AXIN2: variants seen among roughly 807,000 people sequenced by gnomAD.
AXIN2 encodes the protein axin-2.
Under a neutral mutation model 74.7 loss-of-function variants are expected in AXIN2, and 21 were observed. That is an observed-to-expected ratio of 0.28 (90% CI 0.20 to 0.40). The LOEUF (loss-of-function observed/expected upper bound fraction) is 0.40, where lower values mean the gene tolerates loss of function less well. Among genes scored for constraint, AXIN2 ranks in the 10% least tolerant of loss-of-function variants. The pLI is 1.00. For missense variants in AXIN2, 1,144 were observed against 1,111.1 expected, an observed-to-expected ratio of 1.03 and a Z score of -0.42; for synonymous variants, 532 against 454.9, an observed-to-expected ratio of 1.17 and a Z score of -2.16.
In AXIN2 at chr17:65,536,410, G is replaced by A. The variant is rs138287857; in HGVS notation, c.2051C>T (p.Ala684Val). 1.7e-3 allele frequency: 2,753 copies of A among 1,613,800 alleles called. 6 individuals carry two copies. The highest frequency in any genetic ancestry group is 1.9e-3 in the Non-Finnish European group (2,247 of 1,179,994). The change falls in exon 8 of 11, where the codon GCG (alanine) becomes GTG (valine). Residue 684 changes from alanine (A) to valine (V), a missense_variant. By Grantham distance (64) the Ala-to-Val change is moderately conservative. Around this residue, in one of 4 missense-constraint regions of AXIN2, gnomAD observed 1,053 missense variants for 973.5 expected, o/e 1.08. Transcript: ENST00000307078. ...GTTGGGTGGGGTCAGGGGAGGCATC[G>A]CAGGGTCCTGGGTGAACAGGTGGGC... ...PRAHLFTQDP[A>V]MPPLTPPNTL... is the part of the protein sequence containing the mutation.
chr17:65,537,571 G>A lies in AXIN2; in HGVS notation c.1465C>T (p.Pro489Ser), dbSNP rs764728243. ...SLLPPGGKLP[P>S]AAASPGACPL... ...CAGGCGCCCGGCGAGGCGGCCGCGGGAGGCAGCTTGCCACCGGGCGGGAGC... is the reference window on the plus strand; with the variant it reads ...CAGGCGCCCGGCGAGGCGGCCGCGGAAGGCAGCTTGCCACCGGGCGGGAGC... Residue 489 changes from proline to serine, a missense_variant, in exon 6 of 11, where the codon CCC becomes TCC. This residue lies in a region of AXIN2 where 1,053 missense variants were observed against 973.5 expected (regional missense o/e 1.08). Transcript: ENST00000307078. The A allele has an allele frequency of 1.9e-6, 3 of 1,610,214 alleles. No individual in the cohort carries two copies. Among genetic ancestry groups the A allele is most frequent in the East Asian group, 2.2e-5 (1 of 44,682 alleles).
intron 5 of AXIN2, 122 bp from the exon 6 acceptor site, chr17:65,537,957 C>T: frequency 7.2e-7 from 1 of 1,395,964 alleles, no homozygotes. Flanking sequence ...CCCACAGCCA[C>T]GCCCATGCGC....
chr17:65,546,197 T>G (rs527614889), intron 3 of AXIN2, among the ~76,000 whole-genome samples: 2 of 152,132 alleles, frequency 1.3e-5, no homozygotes, highest in African/African-American at 4.8e-5. Flanking sequence ...TATTCACTTG[T>G]TCAAGGAAAT....
At chr17:65,534,255 T>TC (rs1407613610) in intron 9 of AXIN2, among the ~76,000 whole-genome samples, 176 bp from the exon 10 acceptor site, 1 of 152,248 alleles carries the variant, frequency 6.6e-6, no homozygotes, top group East Asian at 1.9e-4. Flanking sequence ...CAGGCAGCTC[T>TC]GGGGGACACA....
chr17:65,551,167 G>A (rs186980303), intron 2 of AXIN2, among the ~76,000 whole-genome samples: 3 of 152,278 alleles, frequency 2.0e-5, no homozygotes, highest in Admixed American at 2.0e-4. Flanking sequence ...TTCTAGGAGG[G>A]ACAGTTGGGG....
chr17:65,535,809 T>G (rs1261736997), intron 8 of AXIN2, 88 bp from the exon 9 acceptor site: 1 of 1,239,362 alleles, frequency 8.1e-7, no homozygotes, highest in Non-Finnish European at 1.2e-6. Context: ...CTATTTGGCC[T>G]CCTGAAGAGA....
Position 65,537,374 on chromosome 17 carries a change from T to C in AXIN2, c.1662A>G (p.Lys554=), listed in dbSNP as rs775573233. The change falls in exon 6 of 11, where the codon AAA becomes AAG. Residue 554 remains lysine, a synonymous_variant. Coordinates refer to ENST00000307078, the MANE Select transcript of AXIN2 (RefSeq NM_004655.4). Reference sequence around the variant, plus strand: ...CCGGAGCCTTGGAGTGGCTTTTGCATTTCGAGTAGCAGTAATACTCGCTGC... The same window carrying C: ...CCGGAGCCTTGGAGTGGCTTTTGCACTTCGAGTAGCAGTAATACTCGCTGC... ...PGGSEYYCYS[K]CKSHSKAPET... is the part of the protein sequence containing the mutation. 4 of 1,614,062 alleles carry C rather than the reference T, an allele frequency of 2.5e-6. No individual in the cohort carries two copies. The South Asian group carries it at 4.4e-5, about 18-fold the overall frequency.
rs772202125 is a variant in AXIN2, at chr17:65,536,467, C to T, written c.1994G>A (p.Gly665Asp). 1.9e-6 allele frequency: 3 copies of T among 1,613,782 alleles called. No homozygotes were observed. The highest frequency in any genetic ancestry group is 2.2e-5 in the South Asian group (2 of 91,066). Reference sequence around the variant, plus strand: ...GGTGGTGCGGGGGTGCCCGCTGTTGCCCCCCCACAGATGGTGCCGGCTGGC... The same window carrying T: ...GGTGGTGCGGGGGTGCCCGCTGTTGTCCCCCCACAGATGGTGCCGGCTGGC... ...ERASRHHLWG[G>D]NSGHPRTTPR... The change falls in exon 8 of 11, where the codon GGC becomes GAC. Residue 665 changes from glycine (G) to aspartate (D), a missense_variant. Physicochemically the swap from Gly to Asp is moderately conservative, Grantham distance 94 (BLOSUM62 -1). Transcript: ENST00000307078.
rs142890481 is a variant in AXIN2 at position 65,552,270 on chromosome 17, T to C, written c.816-2610A>G. Among the ~76,000 whole-genome samples the C allele has an allele frequency of 8.9e-3, 1,352 of 152,238 alleles. 19 individuals carry two copies. The highest frequency in any genetic ancestry group is 0.031 in the African/African-American group (1,287 of 41,536). On this transcript the variant is annotated intron_variant, in intron 2 of 10. Coordinates refer to ENST00000307078, the MANE Select transcript of AXIN2 (RefSeq NM_004655.4). ...CCACTAAAGGAAGAACAAGGGGAAA[T>C]AGACTTCAAAAGTTAGAGAGAAAAA...
chr17:65,557,290 T>A (rs566349798), intron 2 of AXIN2, among the ~76,000 whole-genome samples: 65 of 152,314 alleles, frequency 4.3e-4, no homozygotes, highest in African/African-American at 1.5e-3. Flanking sequence ...CAAGCTCAGT[T>A]AAGCCAATTG....
chr17:65,533,659 A>G (rs1489402485), intron 10 of AXIN2, among the ~76,000 whole-genome samples: 1 of 152,062 alleles, frequency 6.6e-6, no homozygotes, highest in Non-Finnish European at 1.5e-5. Context: ...AGTCTGGTTC[A>G]CCTGGTGGAA....
chr17:65,560,453 C>G (rs1280832986), intron 1 of AXIN2: 2 of 151,922 alleles, frequency 1.3e-5, no homozygotes, highest in Admixed American at 6.5e-5. Flanking sequence ...CGGGGGGCGC[C>G]GCTACCCTTT....
intron 2 of AXIN2, among the ~76,000 whole-genome samples, chr17:65,553,853 G>C (rs987889694): frequency 1.1e-4 from 16 of 149,684 alleles, no homozygotes; most frequent in South Asian, 2.2e-4. Context: ...AAGGCGGGGG[G>C]GGGGGGAGGA....
chr17:65,554,203 C>T (rs1373706509), intron 2 of AXIN2, among the ~76,000 whole-genome samples: 1 of 152,198 alleles, frequency 6.6e-6, no homozygotes, highest in Non-Finnish European at 1.5e-5. Context: ...ACAGAACTGA[C>T]CTGACAGAAC....
Position 65,529,406 on chromosome 17 carries a change from AG to A in AXIN2, c.*569del. Reference sequence around the variant, plus strand: ...TCAATGGTAGGGCACCATTTTAAAAAGTCTGTCTAAAACAGTCTGTCTTCAC... The same window carrying A: ...TCAATGGTAGGGCACCATTTTAAAAATCTGTCTAAAACAGTCTGTCTTCAC... On this transcript the variant is annotated 3_prime_UTR_variant, in exon 11 of 11. Coordinates refer to ENST00000307078, the MANE Select transcript of AXIN2 (RefSeq NM_004655.4). 4.1e-6 allele frequency: 1 copy of A among 243,180 alleles called. No homozygotes were observed. Among genetic ancestry groups the A allele is most frequent in the Admixed American group, 5.0e-5 (1 of 19,806 alleles). The allele number at this position is 243,180 out of a possible 1,614,324, so 15.1% of individuals were successfully genotyped here. A position where few individuals can be genotyped will look rare whatever the true frequency, so the allele number is the denominator to read the frequency against.
At chr17:65,534,816 G>C (rs144864690) in intron 9 of AXIN2, among the ~76,000 whole-genome samples, 3,696 of 152,182 alleles carry the variant, frequency 0.024, 163 homozygotes, top group African/African-American at 0.085. Context: ...TGCAATCCCA[G>C]CTACTCGGGA....
intron 4 of AXIN2, among the ~76,000 whole-genome samples, chr17:65,538,779 T>A (rs2043992843): frequency 6.9e-6 from 1 of 144,410 alleles, no homozygotes; most frequent in African/African-American, 2.6e-5. Context: ...GAAAGAGAGT[T>A]GAAAATTTAA....
chr17:65,540,118 G>A (rs1292702362), intron 4 of AXIN2, among the ~76,000 whole-genome samples: 1 of 152,210 alleles, frequency 6.6e-6, no homozygotes, highest in Non-Finnish European at 1.5e-5. Context: ...ACCCTCCAGG[G>A]CTTCAGGAGC....
intron 1 of AXIN2, among the ~76,000 whole-genome samples, chr17:65,558,952 TG>T (rs1463293476): frequency 6.8e-6 from 1 of 147,682 alleles, no homozygotes; most frequent in African/African-American, 2.5e-5. Context: ...TTTTCGGGGT[TG>T]GGGGTGGGAG....
Sources: allele counts gnomAD v4.1 joint callset (sites outside exome capture counted in the v4.1 genomes callset), GRCh38; gene constraint gnomAD v4.1.1; regional missense constraint gnomAD v4.1.1; transcripts MANE v1.5; gene names NCBI Gene and HGNC (gene_info 2026-07-23, HGNC 2026-07-21).